TENM1: variants seen among roughly 807,000 people sequenced by gnomAD.
TENM1 encodes the protein teneurin transmembrane protein 1, also known as teneurin-1.
A neutral mutation model predicts 174.8 loss-of-function variants in TENM1; 35 were observed. That is an observed-to-expected ratio of 0.20 (90% CI 0.15 to 0.27). TENM1 has a LOEUF of 0.27. TENM1 is among the 10% of genes least tolerant of loss of function. The pLI is 1.00. For synonymous variants in TENM1, 781 were observed against 798.7 expected, an observed-to-expected ratio of 0.98 and a Z score of 0.37; for missense variants, 1,633 against 2,130.1, an observed-to-expected ratio of 0.77 and a Z score of 4.59.
At chrX:124,514,818 T>C (rs964639861) in intron 18 of TENM1, among the ~76,000 whole-genome samples, 5 of 110,791 alleles carry the variant, frequency 4.5e-5, no homozygotes, top group Non-Finnish European at 9.5e-5. Context: ...TTCCAAAAAA[T>C]TGAGGAGGGA....
chrX:124,441,567 C>A (rs1875642167), intron 23 of TENM1, among the ~76,000 whole-genome samples: 2 of 111,832 alleles, frequency 1.8e-5, no homozygotes, highest in Non-Finnish European at 3.8e-5. Flanking sequence ...GCCTTTGGAT[C>A]AGCGGGAGGA....
chrX:124,925,570 G>T lies in TENM1; in HGVS notation c.218-29329C>A, dbSNP rs952442745. Among the ~76,000 whole-genome samples the T allele has an allele frequency of 6.2e-5, 7 of 112,241 alleles. No individual in the cohort carries two copies. In the East Asian group the frequency reaches 1.4e-3, roughly 22 times the overall value. On this transcript the variant is annotated intron_variant, in intron 1 of 31. Coordinates refer to ENST00000422452, the Ensembl canonical transcript of TENM1. Reference sequence around the variant, plus strand: ...CATATTTTAAAATAGAAAAAGTAAAGAAATTAATGTGCAATTTTGGCTATT... The same window carrying T: ...CATATTTTAAAATAGAAAAAGTAAATAAATTAATGTGCAATTTTGGCTATT...
At chrX:124,957,866 G>A (rs2058600240) in intron 1 of TENM1, among the ~76,000 whole-genome samples, 1 of 111,588 alleles carries the variant, frequency 9.0e-6, no homozygotes, top group Admixed American at 9.5e-5. Flanking sequence ...TAATTACTTT[G>A]CAGTAAAATG....
chrX:125,200,652 T>TGAGAGAGAGAGA, the TENM1 span, among the ~76,000 whole-genome samples: 11 of 81,326 alleles, frequency 1.4e-4, no homozygotes, highest in South Asian at 2.2e-3. Flanking sequence ...TGTGTGTGTG[T>TGAGAGAGAGAGA]GTGAGAGAGA....
the TENM1 span, among the ~76,000 whole-genome samples, chrX:125,150,105 A>G: frequency 1.8e-5 from 2 of 111,789 alleles, no homozygotes; most frequent in African/African-American, 6.5e-5. Context: ...GAAATAAAAA[A>G]GAATGAAGAA....
At chrX:124,962,900 A>C (rs2147817166) in intron 1 of TENM1, among the ~76,000 whole-genome samples, 1 of 112,683 alleles carries the variant, frequency 8.9e-6, no homozygotes, top group African/African-American at 3.2e-5. Flanking sequence ...CTACGTCATT[A>C]AAATAGTGTC....
the TENM1 span, among the ~76,000 whole-genome samples, chrX:125,107,502 G>T: frequency 1.8e-5 from 2 of 111,923 alleles, no homozygotes; most frequent in Admixed American, 9.5e-5. Context: ...CAACCTCTGA[G>T]TGGTAGGCAC....
intron 22 of TENM1, among the ~76,000 whole-genome samples, chrX:124,464,099 G>A (rs977509245): frequency 3.6e-5 from 4 of 110,728 alleles, no homozygotes; most frequent in African/African-American, 1.3e-4. Flanking sequence ...ATCAAGCAAC[G>A]ATATCTGAGA....
At chrX:125,133,908 C>G in the TENM1 span, among the ~76,000 whole-genome samples, 6 of 111,731 alleles carry the variant, frequency 5.4e-5, no homozygotes, top group Non-Finnish European at 1.1e-4. Context: ...TTCTGAAAAG[C>G]CTATTGCCCT....
chrX:124,819,184 A>G (rs1365873504), intron 3 of TENM1, among the ~76,000 whole-genome samples: 1 of 112,203 alleles, frequency 8.9e-6, no homozygotes, highest in Non-Finnish European at 1.9e-5. Flanking sequence ...GGCTAGCATG[A>G]AAATAATTAT....
At chrX:124,965,065 AATTTG>A (rs1057437603), upstream of TENM1, among the ~76,000 whole-genome samples, 4 of 100,899 alleles carry the variant, frequency 4.0e-5, no homozygotes, top group African/African-American at 2.0e-4. Flanking sequence ...TTTATTGATC[AATTTG>A]ATTGATTGAT....
intron 2 of TENM1, among the ~76,000 whole-genome samples, chrX:124,895,225 G>GT (rs2057543556): frequency 9.0e-6 from 1 of 111,382 alleles, no homozygotes. Context: ...CATGGTAATG[G>GT]GGACTTATAA....
At chrX:124,922,630 TAATTTA>T (rs2058040264) in intron 1 of TENM1, among the ~76,000 whole-genome samples, 1 of 111,321 alleles carries the variant, frequency 9.0e-6, no homozygotes, top group South Asian at 3.7e-4. Flanking sequence ...TAATAAATTT[TAATTTA>T]AATGTATATT....
chrX:124,816,127 A>G (rs1382969469), intron 3 of TENM1, among the ~76,000 whole-genome samples: 2 of 112,121 alleles, frequency 1.8e-5, no homozygotes, highest in Non-Finnish European at 3.8e-5. Flanking sequence ...AAAGATAATC[A>G]TATAGCTGCC....
intron 3 of TENM1, among the ~76,000 whole-genome samples, chrX:124,818,098 G>A (rs976528980): frequency 4.5e-5 from 5 of 110,147 alleles, no homozygotes; most frequent in African/African-American, 1.3e-4. Context: ...GAAATGTAAC[G>A]CTCTGTTAAC....
At chrX:125,183,727 T>C in the TENM1 span, among the ~76,000 whole-genome samples, 1 of 111,798 alleles carries the variant, frequency 8.9e-6, no homozygotes, top group Non-Finnish European at 1.9e-5. Flanking sequence ...CTAGTACGCA[T>C]GGAGTGAGTG....
chrX:125,030,588 G>C, the TENM1 span, among the ~76,000 whole-genome samples: 5 of 111,975 alleles, frequency 4.5e-5, no homozygotes, highest in Admixed American at 1.9e-4. Context: ...GATGTGAAAA[G>C]TTTACTTATC....
intron 22 of TENM1, among the ~76,000 whole-genome samples, chrX:124,472,431 T>C (rs970725015): frequency 3.8e-5 from 4 of 105,257 alleles, no homozygotes; most frequent in African/African-American, 1.4e-4. Context: ...TGTCTTTATG[T>C]TGCATATAAC....
At position 124,454,105 on chromosome X, in the gene TENM1, A is replaced by G. The variant is rs2061075522; in HGVS notation, c.3950-614T>C. On this transcript the variant is annotated intron_variant, in intron 22 of 31. Coordinates refer to ENST00000422452, the Ensembl canonical transcript of TENM1. Reference sequence around the variant, plus strand: ...CGATAAAATTTTCACAGCAGTTTTTACACACAGTGTTAATTACAGCCTGGT... The same window carrying G: ...CGATAAAATTTTCACAGCAGTTTTTGCACACAGTGTTAATTACAGCCTGGT... 2.7e-5 allele frequency among the ~76,000 whole-genome samples: 3 copies of G among 111,805 alleles called. No homozygotes were observed. In the Admixed American group the frequency reaches 2.9e-4, roughly 11 times the overall value.
Sources: allele counts gnomAD v4.1 joint callset (sites outside exome capture counted in the v4.1 genomes callset), GRCh38; gene constraint gnomAD v4.1.1; transcripts MANE v1.5; gene names NCBI Gene and HGNC (gene_info 2026-07-23, HGNC 2026-07-21).